KCTD19: variants seen among roughly 807,000 people sequenced by gnomAD.
The protein encoded by KCTD19 is BTB/POZ domain-containing protein KCTD19.
In KCTD19, 67 loss-of-function variants were observed where a neutral mutation model predicts 103.5. That is an observed-to-expected ratio of 0.65 (90% CI 0.53 to 0.79). The LOEUF is 0.79. Among genes scored for constraint, KCTD19 ranks in the 30% least tolerant of loss-of-function variants. The pLI is 0.00. For synonymous variants in KCTD19, 439 were observed against 452.2 expected, an observed-to-expected ratio of 0.97 and a Z score of 0.37; for missense variants, 980 against 1,136.1, an observed-to-expected ratio of 0.86 and a Z score of 1.98.
At chr16:67,294,769 C>G (rs1309535433) in intron 10 of KCTD19, 75 bp from the exon 11 acceptor site, 4 of 1,156,912 alleles carry the variant, frequency 3.5e-6, no homozygotes, top group Non-Finnish European at 5.2e-6. Context: ...CAGATCTGCT[C>G]TTTGGCTGGG....
In KCTD19 at chr16:67,323,784, T is replaced by G. The variant is rs2142527934; in HGVS notation, c.4-2899A>C. 6.6e-6 allele frequency among the ~76,000 whole-genome samples: 1 copy of G among 152,126 alleles called. No homozygotes were observed. Among genetic ancestry groups the G allele is most frequent in the African/African-American group, 2.4e-5 (1 of 41,486 alleles). On this transcript the variant is annotated intron_variant, in intron 1 of 15. Coordinates refer to ENST00000304372, the MANE Select transcript of KCTD19 (RefSeq NM_001100915.3). This position sits in a 1 kb window ranked among gnomAD's most constrained non-coding sequence, Gnocchi z 4.1. ...GGGGATGGTGAAAATGTTCTAAAAT[T>G]GATTGTGATGATAGTTGCACAACTC...
chr16:67,316,647 T>A (rs2037016019), intron 2 of KCTD19, among the ~76,000 whole-genome samples: 1 of 152,234 alleles, frequency 6.6e-6, no homozygotes, highest in African/African-American at 2.4e-5. Flanking sequence ...TCCTCCTTCA[T>A]TATTACACAG....
intron 4 of KCTD19, chr16:67,302,166 C>A (rs765976546): frequency 8.6e-5 from 34 of 397,480 alleles, no homozygotes; most frequent in Non-Finnish European, 1.5e-4. Flanking sequence ...TGGCCTGGGG[C>A]TCCCAAGCCA....
rs774920754 is a variant in KCTD19, at chr16:67,303,116, C to A, written c.643+30G>T. On this transcript the variant is annotated intron_variant, in intron 4 of 15. Transcript: ENST00000304372. This position sits in a 1 kb window ranked among gnomAD's most constrained non-coding sequence, Gnocchi z 4.3. Reference sequence around the variant, plus strand: ...GGGTGAATGGGCCCTATCAGCCCGCCCCCCACCCCACCCCGGACAGAGCAA... The same window carrying A: ...GGGTGAATGGGCCCTATCAGCCCGCACCCCACCCCACCCCGGACAGAGCAA... The A allele has an allele frequency of 6.5e-6, 3 of 462,892 alleles. No individual in the cohort carries two copies. Among genetic ancestry groups the A allele is most frequent in the Admixed American group, 3.0e-5 (1 of 33,276 alleles). 28.7% of individuals were successfully genotyped at this position (462,892 alleles called of 1,614,324 possible).
chr16:67,316,090 G>A (rs1019031524), intron 2 of KCTD19, among the ~76,000 whole-genome samples: 1 of 152,140 alleles, frequency 6.6e-6, no homozygotes, highest in African/African-American at 2.4e-5. Context: ...CACCCTGGCC[G>A]AAGTGCAGTG....
intron 15 of KCTD19, 35 bp from the exon 16 acceptor site, chr16:67,289,717 T>C (rs2036650832): frequency 6.7e-7 from 1 of 1,503,294 alleles, no homozygotes. Flanking sequence ...CCTGATTTCC[T>C]GGCCAGTTGT....
At chr16:67,308,185 T>C (rs78896888) in intron 2 of KCTD19, among the ~76,000 whole-genome samples, 47 of 147,134 alleles carry the variant, frequency 3.2e-4, no homozygotes, top group African/African-American at 1.2e-3. Flanking sequence ...TTTTTTTTTT[T>C]AGTGCCTTGC....
intron 2 of KCTD19, among the ~76,000 whole-genome samples, chr16:67,306,944 A>G (rs2036899626): frequency 6.6e-6 from 1 of 152,170 alleles, no homozygotes; most frequent in African/African-American, 2.4e-5. Context: ...ATGGGAAGCT[A>G]GGTCCAGGAA....
At position 67,323,558 on chromosome 16, in the gene KCTD19, T is replaced by C. The variant is rs544429253; in HGVS notation, c.4-2673A>G. ...AAAATAAAAAGGAATGAAGTACTGATACATGATAACAACATGGATGAAATT... is the reference window on the plus strand; with the variant it reads ...AAAATAAAAAGGAATGAAGTACTGACACATGATAACAACATGGATGAAATT... On this transcript the variant is annotated intron_variant, in intron 1 of 15. Transcript: ENST00000304372. This position sits in a 1 kb window ranked among gnomAD's most constrained non-coding sequence, Gnocchi z 4.1. 1.2e-3 allele frequency among the ~76,000 whole-genome samples: 183 copies of C among 152,226 alleles called. No homozygotes were observed. The highest frequency in any genetic ancestry group is 6.8e-3 in the Middle Eastern group (2 of 294).
chr16:67,298,282 C>T (rs183133121), intron 6 of KCTD19, among the ~76,000 whole-genome samples: 4 of 152,184 alleles, frequency 2.6e-5, no homozygotes, highest in Admixed American at 2.0e-4. Flanking sequence ...TGTGAGCCAC[C>T]GCGCCCAGCC....
intron 14 of KCTD19, 111 bp from the exon 15 acceptor site, chr16:67,291,097 G>A: frequency 1.6e-6 from 2 of 1,258,644 alleles, no homozygotes; most frequent in Non-Finnish European, 2.2e-6. Flanking sequence ...GTAGGGGGCG[G>A]GCACTGTCAC....
At chr16:67,294,856 T>C in intron 10 of KCTD19, 117 bp downstream of exon 10, 1 of 991,236 alleles carries the variant, frequency 1.0e-6, no homozygotes, top group Non-Finnish European at 1.6e-6. Flanking sequence ...TGGGCCTGCT[T>C]CACTCCCTCA....
chr16:67,306,387 T>G (rs1438535765), intron 2 of KCTD19, among the ~76,000 whole-genome samples: 5 of 152,130 alleles, frequency 3.3e-5, no homozygotes, highest in Non-Finnish European at 7.3e-5. Context: ...TGCCTTAGCC[T>G]CCCGAGTACC....
At chr16:67,310,404 CAG>C (rs2036937232) in intron 2 of KCTD19, among the ~76,000 whole-genome samples, 1 of 152,192 alleles carries the variant, frequency 6.6e-6, no homozygotes. Flanking sequence ...GAAATTGCTA[CAG>C]AGTGTGTGGC....
chr16:67,290,068 C>T (rs1031758928), intron 15 of KCTD19, among the ~76,000 whole-genome samples: 2 of 151,586 alleles, frequency 1.3e-5, no homozygotes, highest in African/African-American at 2.4e-5. Context: ...GAGAAACTGC[C>T]TAAATCGTTT....
At chr16:67,304,723 G>A in intron 2 of KCTD19, 152 bp from the exon 3 acceptor site, 3 of 627,758 alleles carry the variant, frequency 4.8e-6, no homozygotes, top group East Asian at 5.7e-5. Context: ...GAGTGCAGTG[G>A]TGCGATCTCA....
intron 2 of KCTD19, among the ~76,000 whole-genome samples, chr16:67,310,758 A>G (rs2036940909): frequency 6.6e-6 from 1 of 152,236 alleles, no homozygotes; most frequent in African/African-American, 2.4e-5. Context: ...CCAAAGCAGC[A>G]GCAGTTCTCA....
chr16:67,314,826 TATATAGAG>T (rs1423553849), intron 2 of KCTD19, among the ~76,000 whole-genome samples: 55 of 55,282 alleles, frequency 9.9e-4, no homozygotes, highest in South Asian at 8.3e-4. Flanking sequence ...TATATATATA[TATATAGAG>T]AGAGAGAGAG....
intron 2 of KCTD19, among the ~76,000 whole-genome samples, chr16:67,318,238 A>G (rs1247141053): frequency 6.6e-6 from 1 of 152,134 alleles, no homozygotes; most frequent in Non-Finnish European, 1.5e-5. Flanking sequence ...GGACCAACCC[A>G]TTGGCTTCTG....
Sources: gnomAD v4.1 joint callset for allele counts (sites outside exome capture counted in the v4.1 genomes callset) on GRCh38, gnomAD v4.1.1 for gene constraint, Gnocchi (gnomAD v3.1) non-coding constraint, MANE v1.5 for transcripts, NCBI Gene and HGNC (gene_info 2026-07-23, HGNC 2026-07-21) for gene names.